Variants in TRANK1 observed in about 807,000 individuals in gnomAD.
The protein encoded by TRANK1 is TPR and ankyrin repeat-containing protein 1.
In TRANK1, 198 loss-of-function variants were observed where a neutral mutation model predicts 266.0. That is an observed-to-expected ratio of 0.74 (90% CI 0.66 to 0.84). The LOEUF (loss-of-function observed/expected upper bound fraction) is 0.84, where lower values mean the gene tolerates loss of function less well. Among genes scored for constraint, TRANK1 ranks in the 40% least tolerant of loss-of-function variants. The pLI, the probability that TRANK1 is intolerant of heterozygous loss-of-function variation, is 0.00. For synonymous variants in TRANK1, 1,396 were observed against 1,384.1 expected (o/e 1.01, Z -0.19); for missense variants, 3,326 against 3,634.6 (o/e 0.92, Z 2.18).
chr3:36,867,094 G>A (rs2079238208), intron 9 of TRANK1, among the ~76,000 whole-genome samples: 1 of 152,082 alleles, frequency 6.6e-6, no homozygotes, highest in African/African-American at 2.4e-5. Flanking sequence ...CTGAAATTAT[G>A]TGTAGTAAAG....
intron 10 of TRANK1, among the ~76,000 whole-genome samples, chr3:36,861,850 C>T (rs1300509363): frequency 1.3e-5 from 2 of 151,554 alleles, no homozygotes; most frequent in African/African-American, 2.4e-5. Context: ...GGACTACAGG[C>T]GCCCGCCACA....
At chr3:36,850,636 TGA>T (rs1334982213) in intron 15 of TRANK1, 1 of 794,208 alleles carries the variant, frequency 1.3e-6, no homozygotes, top group Non-Finnish European at 1.5e-6. Flanking sequence ...AAAAATAGAA[TGA>T]GAGTAATAAA....
Position 36,832,649 on chromosome 3 carries a change from G to A in TRANK1, c.6934C>T (p.His2312Tyr), listed in dbSNP as rs773170291. The change falls in exon 22 of 24, where the codon CAC (histidine) becomes TAC (tyrosine). Residue 2312 changes from histidine to tyrosine, a missense_variant. Physicochemically the swap from His to Tyr is moderately conservative, Grantham distance 83 (BLOSUM62 2). Transcript: ENST00000645898. ...GCGCTTTCATTTTCAAACAGAAAGT[G>A]GATGTACTCCTTCAAAGCAAATCTG... ...FYRFALKEYIHFLFENESARN... is the reference protein window; with the variant it reads ...FYRFALKEYIYFLFENESARN... 5 of 1,613,990 alleles carry A rather than the reference G, an allele frequency of 3.1e-6. No homozygotes were observed. The South Asian group carries it at 3.3e-5, about 11-fold the overall frequency.
chr3:36,941,894 A>G (rs2080501460), intron 1 of TRANK1, among the ~76,000 whole-genome samples: 1 of 152,206 alleles, frequency 6.6e-6, no homozygotes, highest in African/African-American at 2.4e-5. Context: ...CTGAGGGCAA[A>G]GCACTGACAT....
chr3:36,838,343 C>CT, intron 20 of TRANK1, 29 bp downstream of exon 20: 1 of 1,611,372 alleles, frequency 6.2e-7, no homozygotes, highest in Non-Finnish European at 8.5e-7. Context: ...CCAGTTTTCC[C>CT]TGGAGCAGCA....
chr3:36,828,568 A>G (rs537789464), intron 23 of TRANK1, among the ~76,000 whole-genome samples, 193 bp from the exon 24 acceptor site: 4 of 152,158 alleles, frequency 2.6e-5, no homozygotes, highest in Non-Finnish European at 5.9e-5. Context: ...CTCCGTAATC[A>G]TTGGTTTAAA....
chr3:36,860,716 A>T (rs961306916), intron 11 of TRANK1, among the ~76,000 whole-genome samples, 190 bp downstream of exon 11: 11 of 152,218 alleles, frequency 7.2e-5, no homozygotes, highest in Non-Finnish European at 1.3e-4. Context: ...AAATGCAGAG[A>T]TCCTCAAGGG....
intron 1 of TRANK1, among the ~76,000 whole-genome samples, chr3:36,930,026 C>T (rs1105573): frequency 0.095 from 14,436 of 152,232 alleles, 1,013 homozygotes; most frequent in East Asian, 0.35. Flanking sequence ...AGGCATGTGC[C>T]ACCACACCCG....
chr3:36,869,647 C>T (rs929561898), intron 9 of TRANK1, among the ~76,000 whole-genome samples: 3 of 152,234 alleles, frequency 2.0e-5, no homozygotes, highest in African/African-American at 7.2e-5. Context: ...GGCCCTGGGC[C>T]TCCTCCTTTG....
chr3:36,850,967 C>T (rs2125535010), intron 15 of TRANK1: 6 of 985,608 alleles, frequency 6.1e-6, no homozygotes, highest in Non-Finnish European at 7.2e-6. Flanking sequence ...ACAGTACAGT[C>T]AGCAGCCAGC....
intron 14 of TRANK1, 144 bp from the exon 15 acceptor site, chr3:36,852,000 C>G (rs2078990863): frequency 2.2e-6 from 3 of 1,372,978 alleles, no homozygotes; most frequent in Non-Finnish European, 2.9e-6. Flanking sequence ...GATTGAAACA[C>G]TTGGTCACTC....
chr3:36,904,040 C>T (rs1174732157), intron 2 of TRANK1, among the ~76,000 whole-genome samples: 1 of 152,162 alleles, frequency 6.6e-6, no homozygotes, highest in Middle Eastern at 3.4e-3. Context: ...CTCACTGCAA[C>T]CTCCACCTCC....
At chr3:36,860,876 C>G (rs1402297618) in intron 11 of TRANK1, 30 bp downstream of exon 11, 1 of 1,535,528 alleles carries the variant, frequency 6.5e-7, no homozygotes, top group African/African-American at 1.4e-5. Flanking sequence ...GTGGACAAGT[C>G]TCCAACGCTT....
In TRANK1 at chr3:36,833,667, A is replaced by G. The variant is rs2078729455; in HGVS notation, c.5916T>C (p.His1972=). 2 of 1,613,982 alleles carry G rather than the reference A, an allele frequency of 1.2e-6. No homozygotes were observed. Among genetic ancestry groups the G allele is most frequent in the Non-Finnish European group, 1.7e-6 (2 of 1,179,882 alleles). Reference sequence around the variant, plus strand: ...GCCTGGCAGCCTCCAGGAGGCAGCCATGTTGCTTCATCAGCAGGGCAGCCT... The same window carrying G: ...GCCTGGCAGCCTCCAGGAGGCAGCCGTGTTGCTTCATCAGCAGGGCAGCCT... ...REEAALLMKQ[H]GCLLEAARLT... Residue 1972 remains histidine (H), a synonymous_variant, in exon 22 of 24, where the codon CAT becomes CAC. Transcript: ENST00000645898.
chr3:36,874,076 C>A, intron 9 of TRANK1, 50 bp downstream of exon 9: 1 of 1,483,564 alleles, frequency 6.7e-7, no homozygotes, highest in South Asian at 1.3e-5. Context: ...TATCTAATGT[C>A]ACAGAACCAG....
intron 16 of TRANK1, 111 bp from the exon 17 acceptor site, chr3:36,846,515 G>T: frequency 9.4e-7 from 1 of 1,068,228 alleles, no homozygotes. Context: ...CTAAATTTTA[G>T]AGAAGCATAG....
At chr3:36,902,748 C>A (rs1029561462) in intron 3 of TRANK1, among the ~76,000 whole-genome samples, 1 of 152,216 alleles carries the variant, frequency 6.6e-6, no homozygotes, top group Non-Finnish European at 1.5e-5. Flanking sequence ...ATGAAACTTG[C>A]GAACGGCAAA....
At chr3:36,883,184 T>C (rs2079554562) in intron 8 of TRANK1, among the ~76,000 whole-genome samples, 1 of 152,184 alleles carries the variant, frequency 6.6e-6, no homozygotes, top group Admixed American at 6.5e-5. Context: ...CTCATGCCTG[T>C]AATCTCAGCA....
In TRANK1 at chr3:36,908,348, T is replaced by C. The variant is rs2080003464; in HGVS notation, c.130A>G (p.Ile44Val). The part of the protein sequence containing the change: ...AIRKYDEAIQ[I>V]LLQLYQWGVP... ...CCCCACTGGTATAACTGCAGGAGAA[T>C]CTGGATGGCTTCATCGTACTTTCTG... The change falls in exon 2 of 24, where the codon ATT becomes GTT. Residue 44 changes from isoleucine (I) to valine (V), a missense_variant. By Grantham distance (29) the Ile-to-Val change is conservative (BLOSUM62 3). Coordinates refer to ENST00000645898, the MANE Select transcript of TRANK1 (RefSeq NM_001329998.2). 1 of 1,232,160 alleles carries C rather than the reference T, an allele frequency of 8.1e-7. No homozygotes were observed. Among genetic ancestry groups the C allele is most frequent in the Non-Finnish European group, 1.0e-6 (1 of 987,970 alleles). 76.3% of individuals were successfully genotyped at this position (1,232,160 alleles called of 1,614,324 possible).
Sources: allele counts gnomAD v4.1 joint callset (sites outside exome capture counted in the v4.1 genomes callset), GRCh38; gene constraint gnomAD v4.1.1; transcripts MANE v1.5; gene names NCBI Gene and HGNC (gene_info 2026-07-23, HGNC 2026-07-21).